Variants in PIEZO2 observed in about 807,000 individuals in gnomAD.
PIEZO2 encodes the protein piezo type mechanosensitive ion channel component 2.
In PIEZO2, 172 loss-of-function variants were observed where a neutral mutation model predicts 337.3. That is an observed-to-expected ratio of 0.51 (90% CI 0.45 to 0.58). The LOEUF (loss-of-function observed/expected upper bound fraction) is 0.58, where lower values mean the gene tolerates loss of function less well. Ranked by LOEUF, PIEZO2 falls within the 20% of genes least tolerant of loss-of-function variation. The pLI, the probability that PIEZO2 is intolerant of heterozygous loss-of-function variation, is 0.00. For synonymous variants in PIEZO2, 1,251 were observed against 1,228.5 expected (o/e 1.02, Z -0.38); for missense variants, 3,028 against 3,391.3 (o/e 0.89, Z 2.66).
chr18:11,027,002 T>TA lies in PIEZO2; in HGVS notation c.160+39124dup, dbSNP rs1491578946. Among the ~76,000 whole-genome samples, 1 of 152,176 alleles carries TA rather than the reference T, an allele frequency of 6.6e-6. No homozygotes were observed. The highest frequency in any genetic ancestry group is 1.5e-5 in the Non-Finnish European group (1 of 68,032). The stretch of plus-strand genomic sequence containing the variant: ...TCGTCTCCAAGCTCTGCACAGCACT[T>TA]ATGTGTATGAGACAAGACTCTGCCC... On this transcript the variant is annotated intron_variant, in intron 2 of 55. Coordinates refer to ENST00000674853, the MANE Select transcript of PIEZO2 (RefSeq NM_001378183.1). The surrounding 1 kb of genome is among the most constrained non-coding windows in gnomAD (Gnocchi z 4.2).
chr18:11,068,679 A>G (rs901925243), intron 1 of PIEZO2, among the ~76,000 whole-genome samples: 1 of 152,184 alleles, frequency 6.6e-6, no homozygotes, highest in African/African-American at 2.4e-5. Context: ...GAAATACTAA[A>G]GATCAGACCA....
chr18:11,075,828 A>C (rs1222527532), intron 1 of PIEZO2, among the ~76,000 whole-genome samples: 3 of 139,024 alleles, frequency 2.2e-5, no homozygotes, highest in East Asian at 4.2e-4. Context: ...TCGCTCTGTC[A>C]CCCAGGCTGG....
intron 54 of PIEZO2, among the ~76,000 whole-genome samples, chr18:10,674,740 C>T (rs925233583): frequency 6.6e-6 from 1 of 152,214 alleles, no homozygotes; most frequent in African/African-American, 2.4e-5. Context: ...AATCCAGAAA[C>T]ATGAATTTAT....
At chr18:10,976,928 T>TAG (rs1382415279) in intron 3 of PIEZO2, among the ~76,000 whole-genome samples, 1 of 151,632 alleles carries the variant, frequency 6.6e-6, no homozygotes, top group Non-Finnish European at 1.5e-5. Context: ...ATGGTACTAG[T>TAG]AGAGGTCCCA....
At chr18:10,829,140 T>C (rs1428259944) in intron 7 of PIEZO2, among the ~76,000 whole-genome samples, 4 of 152,208 alleles carry the variant, frequency 2.6e-5, no homozygotes, top group Admixed American at 2.6e-4. Flanking sequence ...ATCCCTGAAC[T>C]TCTCTAAAAT....
rs2144563093 is a variant in PIEZO2 at position 10,834,722 on chromosome 18, C to G, written c.917+20631G>C. Among the ~76,000 whole-genome samples, 1 of 152,304 alleles carries G rather than the reference C, an allele frequency of 6.6e-6. No individual in the cohort carries two copies. Among genetic ancestry groups the G allele is most frequent in the South Asian group, 2.1e-4 (1 of 4,824 alleles). On this transcript the variant is annotated intron_variant, in intron 7 of 55. Coordinates refer to ENST00000674853, the MANE Select transcript of PIEZO2 (RefSeq NM_001378183.1). The surrounding 1 kb of genome is among the most constrained non-coding windows in gnomAD (Gnocchi z 4.5). ...CCTGTCTGAACTCCAAAGCCCTTCCCTTTCCACAAGGCCAGGCTTCCTAGA... is the reference window on the plus strand; with the variant it reads ...CCTGTCTGAACTCCAAAGCCCTTCCGTTTCCACAAGGCCAGGCTTCCTAGA...
At chr18:10,866,998 T>C (rs1042092451) in intron 5 of PIEZO2, among the ~76,000 whole-genome samples, 13 of 152,000 alleles carry the variant, frequency 8.6e-5, no homozygotes, top group Non-Finnish European at 2.9e-5. Context: ...GCAAAGGGAG[T>C]CGCCCACTTT....
intron 1 of PIEZO2, among the ~76,000 whole-genome samples, chr18:11,067,558 G>A (rs2038193389): frequency 6.6e-6 from 1 of 152,144 alleles, no homozygotes; most frequent in Admixed American, 6.5e-5. Flanking sequence ...GATATTCTAT[G>A]CAAATCAAAA....
chr18:10,786,688 G>A (rs2144130932), intron 16 of PIEZO2, among the ~76,000 whole-genome samples: 1 of 152,350 alleles, frequency 6.6e-6, no homozygotes, highest in Non-Finnish European at 1.5e-5. Context: ...AATGAGCAAA[G>A]TCTGCTACTT....
At chr18:10,806,798 G>A (rs1266187228) in intron 8 of PIEZO2, among the ~76,000 whole-genome samples, 1 of 152,158 alleles carries the variant, frequency 6.6e-6, no homozygotes, top group African/African-American at 2.4e-5. Flanking sequence ...GATCAGAGTT[G>A]TTTAGTTTAT....
chr18:10,704,270 G>T, intron 42 of PIEZO2, 124 bp downstream of exon 42: 1 of 1,269,698 alleles, frequency 7.9e-7, no homozygotes, highest in Non-Finnish European at 1.1e-6. Flanking sequence ...GGAACTGCAT[G>T]TTCCATGTGA....
At position 11,128,134 on chromosome 18, in the gene PIEZO2, G is replaced by A. The variant is rs2146223737; in HGVS notation, c.64+20391C>T. 6.6e-6 allele frequency among the ~76,000 whole-genome samples: 1 copy of A among 152,186 alleles called. No individual in the cohort carries two copies. The highest frequency in any genetic ancestry group is 2.1e-4 in the South Asian group (1 of 4,824). On this transcript the variant is annotated intron_variant, in intron 1 of 55. Coordinates refer to ENST00000674853, the MANE Select transcript of PIEZO2 (RefSeq NM_001378183.1). This position sits in a 1 kb window ranked among gnomAD's most constrained non-coding sequence, Gnocchi z 4.1. ...CTATACCTAATACCTTTAACCATAT[G>A]TGGAGAACCAAGGAACGTAATAAAG... is the stretch of plus-strand genomic sequence containing the variant.
chr18:11,056,521 C>T (rs2037737542), intron 2 of PIEZO2, among the ~76,000 whole-genome samples: 1 of 152,104 alleles, frequency 6.6e-6, no homozygotes, highest in South Asian at 2.1e-4. Flanking sequence ...TAGGTGAGGC[C>T]CCAACCAGAA....
At chr18:10,696,602 G>C (rs1321236950) in intron 45 of PIEZO2, 63 bp from the exon 46 acceptor site, 1 of 1,567,530 alleles carries the variant, frequency 6.4e-7, no homozygotes, top group African/African-American at 1.4e-5. Flanking sequence ...TGGCAGAAAT[G>C]ACCAGACACT....
In PIEZO2 at chr18:10,973,986, C is replaced by G. The variant is rs1384716593; in HGVS notation, c.286+5549G>C. 6.6e-6 allele frequency among the ~76,000 whole-genome samples: 1 copy of G among 152,146 alleles called. No homozygotes were observed. The highest frequency in any genetic ancestry group is 2.4e-5 in the African/African-American group (1 of 41,412). On this transcript the variant is annotated intron_variant, in intron 3 of 55. Coordinates refer to ENST00000674853, the MANE Select transcript of PIEZO2 (RefSeq NM_001378183.1). The surrounding 1 kb of genome is among the most constrained non-coding windows in gnomAD (Gnocchi z 4.9). ...CCAGGTGATTCTGCAGATCTAGGGT[C>G]CATCTCCAATTAGCACAACTAACGA...
chr18:10,751,602 C>T (rs562562536), intron 28 of PIEZO2, among the ~76,000 whole-genome samples: 2 of 151,956 alleles, frequency 1.3e-5, no homozygotes, highest in Non-Finnish European at 2.9e-5. Flanking sequence ...CAGTGATACA[C>T]GTGCCCCCCC....
chr18:11,115,506 T>C (rs2039861958), intron 1 of PIEZO2, among the ~76,000 whole-genome samples: 1 of 152,234 alleles, frequency 6.6e-6, no homozygotes, highest in South Asian at 2.1e-4. Context: ...AATTCCATGA[T>C]GATAGCATAC....
intron 8 of PIEZO2, 22 bp downstream of exon 8, chr18:10,807,090 A>T: frequency 6.5e-7 from 1 of 1,527,398 alleles, no homozygotes; most frequent in Non-Finnish European, 8.8e-7. Context: ...AGACAAGATC[A>T]TGAAAATGTT....
intron 2 of PIEZO2, among the ~76,000 whole-genome samples, chr18:11,034,360 A>T: frequency 6.7e-6 from 1 of 149,868 alleles, no homozygotes; most frequent in East Asian, 2.0e-4. Flanking sequence ...CAATGGTGCG[A>T]TCTCGGCTCA....
Sources: gnomAD v4.1 joint callset for allele counts (sites outside exome capture counted in the v4.1 genomes callset) on GRCh38, gnomAD v4.1.1 for gene constraint, Gnocchi (gnomAD v3.1) non-coding constraint, MANE v1.5 for transcripts, NCBI Gene and HGNC (gene_info 2026-07-23, HGNC 2026-07-21) for gene names.